Variants in ZFAT observed in about 807,000 individuals in gnomAD.
The protein encoded by ZFAT is zinc finger protein ZFAT.
A neutral mutation model predicts 117.7 loss-of-function variants in ZFAT; 64 were observed. The observed-to-expected ratio is 0.54, with a 90% CI of 0.44 to 0.67. ZFAT has a LOEUF of 0.67. ZFAT is among the 30% of genes least tolerant of loss of function. The pLI is 0.00. For synonymous variants in ZFAT, 679 were observed against 615.0 expected (o/e 1.10, Z -1.54); for missense variants, 1,433 against 1,584.5 (o/e 0.90, Z 1.62).
the ZFAT span, among the ~76,000 whole-genome samples, chr8:134,791,359 T>C: frequency 2.7e-5 from 4 of 147,268 alleles, no homozygotes; most frequent in South Asian, 4.4e-4. Flanking sequence ...CCAGCTTCCC[T>C]GTATAGTCAG....
chr8:134,613,144 G>A (rs536054070), intron 3 of ZFAT, among the ~76,000 whole-genome samples: 12 of 152,086 alleles, frequency 7.9e-5, no homozygotes, highest in South Asian at 4.2e-4. Flanking sequence ...GCTTTATACC[G>A]GAATTCACCA....
At chr8:134,506,052 T>C (rs1437184083) in intron 15 of ZFAT, among the ~76,000 whole-genome samples, 3 of 152,236 alleles carry the variant, frequency 2.0e-5, no homozygotes, top group South Asian at 2.1e-4. Context: ...GTGATGACTA[T>C]TGCTGTTATT....
chr8:134,639,842 T>C (rs1015505737), intron 2 of ZFAT: 1 of 452,868 alleles, frequency 2.2e-6, no homozygotes, highest in Non-Finnish European at 4.4e-6. Context: ...GCGGCCCAGG[T>C]CTAAACCCAG....
intron 14 of ZFAT, chr8:134,510,729 G>C (rs762396590): frequency 6.5e-6 from 1 of 153,474 alleles, no homozygotes; most frequent in Non-Finnish European, 1.4e-5. Context: ...TTCTAATTCC[G>C]CATCCATGGA....
At chr8:134,549,848 G>C (rs1057174969) in intron 11 of ZFAT, among the ~76,000 whole-genome samples, 1 of 152,120 alleles carries the variant, frequency 6.6e-6, no homozygotes, top group Non-Finnish European at 1.5e-5. Flanking sequence ...GTGACCCACT[G>C]ACAGTCACAG....
chr8:134,809,873 T>G, the ZFAT span, among the ~76,000 whole-genome samples: 2 of 152,184 alleles, frequency 1.3e-5, no homozygotes, highest in Non-Finnish European at 2.9e-5. Flanking sequence ...TAGTAGCCAG[T>G]ACCTTCCTAG....
chr8:134,749,829 T>C, the ZFAT span, among the ~76,000 whole-genome samples: 1 of 152,238 alleles, frequency 6.6e-6, no homozygotes, highest in Non-Finnish European at 1.5e-5. Context: ...TCAATTTTTA[T>C]TTTATTGTAT....
chr8:134,574,332 G>A (rs958466264), intron 10 of ZFAT, among the ~76,000 whole-genome samples: 1 of 152,028 alleles, frequency 6.6e-6, no homozygotes, highest in Non-Finnish European at 1.5e-5. Flanking sequence ...AAAGGCAATC[G>A]CTCCTGGCCT....
At chr8:134,609,940 G>T (rs1361758324) in intron 4 of ZFAT, among the ~76,000 whole-genome samples, 1 of 152,190 alleles carries the variant, frequency 6.6e-6, no homozygotes, top group African/African-American at 2.4e-5. Flanking sequence ...AAAGAAAAAT[G>T]AGAATAGAAC....
At chr8:134,485,017 T>G (rs1417972968) in intron 15 of ZFAT, among the ~76,000 whole-genome samples, 1 of 152,180 alleles carries the variant, frequency 6.6e-6, no homozygotes, top group African/African-American at 2.4e-5. Flanking sequence ...TCTAGGGCTC[T>G]GAGATTACAA....
At chr8:134,569,774 C>T (rs903648363) in intron 10 of ZFAT, among the ~76,000 whole-genome samples, 1 of 152,150 alleles carries the variant, frequency 6.6e-6, no homozygotes, top group Non-Finnish European at 1.5e-5. Flanking sequence ...GCCCTCCAGA[C>T]CTGTACCTCC....
chr8:134,676,534 C>A (rs1300583188), intron 1 of ZFAT, among the ~76,000 whole-genome samples: 4 of 152,174 alleles, frequency 2.6e-5, no homozygotes, highest in Non-Finnish European at 5.9e-5. Context: ...TTAGACAGAT[C>A]AATGAGATGG....
At chr8:134,525,356 C>G (rs1388427569) in intron 12 of ZFAT, among the ~76,000 whole-genome samples, 1 of 152,202 alleles carries the variant, frequency 6.6e-6, no homozygotes, top group Non-Finnish European at 1.5e-5. Flanking sequence ...CACTAAGATG[C>G]TTATACTTAG....
At chr8:134,708,655 T>TA (rs904859226) in intron 1 of ZFAT, among the ~76,000 whole-genome samples, 109 of 151,798 alleles carry the variant, frequency 7.2e-4, no homozygotes, top group African/African-American at 2.5e-3. Context: ...TTTTCTCTTT[T>TA]AAAAAAAAAT....
At chr8:134,675,697 G>C (rs1477508441) in intron 1 of ZFAT, among the ~76,000 whole-genome samples, 1 of 152,178 alleles carries the variant, frequency 6.6e-6, no homozygotes, top group African/African-American at 2.4e-5. Context: ...CAGAGAGAAA[G>C]GTCGGGTTAG....
At chr8:134,510,312 A>G (rs1051654383) in intron 14 of ZFAT, 5 of 387,568 alleles carry the variant, frequency 1.3e-5, no homozygotes, top group African/African-American at 1.0e-4. Flanking sequence ...GCAGCTATTT[A>G]GTATCCCCGC....
At chr8:134,716,214 CACAT>C (rs1472004522), upstream of ZFAT, among the ~76,000 whole-genome samples, 11 of 151,744 alleles carry the variant, frequency 7.2e-5, no homozygotes, top group East Asian at 5.8e-4. Context: ...TATGCACACA[CACAT>C]ATATATCTAT....
At chr8:134,505,192 T>C (rs150562258) in intron 15 of ZFAT, among the ~76,000 whole-genome samples, 37 of 152,360 alleles carry the variant, frequency 2.4e-4, no homozygotes, top group African/African-American at 8.9e-4. Flanking sequence ...AATTAAAACG[T>C]AAGCTTCTCG....
intron 14 of ZFAT, chr8:134,510,326 C>A: frequency 2.7e-6 from 1 of 376,340 alleles, no homozygotes; most frequent in Non-Finnish European, 5.4e-6. Flanking sequence ...TCCCCGCCTG[C>A]TCCCACCATC....
Sources: gnomAD v4.1 joint callset for allele counts (sites outside exome capture counted in the v4.1 genomes callset) on GRCh38, gnomAD v4.1.1 for gene constraint, MANE v1.5 for transcripts, NCBI Gene and HGNC (gene_info 2026-07-23, HGNC 2026-07-21) for gene names.